The following CCDC73 variants were observed in gnomAD, a reference collection of about 807,000 sequenced individuals.
The protein encoded by CCDC73 is coiled-coil domain-containing protein 73.
In CCDC73, 95 loss-of-function variants were observed where a neutral mutation model predicts 116.5. That is an observed-to-expected ratio of 0.82 (90% CI 0.69 to 0.97). The LOEUF (loss-of-function observed/expected upper bound fraction) is 0.97, where lower values mean the gene tolerates loss of function less well. CCDC73 is among the 50% of genes least tolerant of loss of function. The pLI is 0.00. For missense variants in CCDC73, 1,066 were observed against 1,206.8 expected, an observed-to-expected ratio of 0.88 and a Z score of 1.73; for synonymous variants, 398 against 401.3, an observed-to-expected ratio of 0.99 and a Z score of 0.10.
chr11:32,624,260 A>G (rs1855548515), intron 14 of CCDC73, among the ~76,000 whole-genome samples: 1 of 152,094 alleles, frequency 6.6e-6, no homozygotes, highest in African/African-American at 2.4e-5. Flanking sequence ...GAATTGCTTG[A>G]ACCCAGGAGG....
chr11:32,736,771 T>A (rs928384099), intron 2 of CCDC73, among the ~76,000 whole-genome samples: 4 of 151,838 alleles, frequency 2.6e-5, no homozygotes, highest in Admixed American at 2.6e-4. Context: ...CAGATGTCCA[T>A]CAATGATAGA....
Position 32,615,883 on chromosome 11 carries a change from A to G in CCDC73, c.1375+57T>C, listed in dbSNP as rs1053092431. ...GGCAGAATGTAATTTTCCCAAAAAT[A>G]TTTACTGTAAATATCAACATACAAA... is the stretch of plus-strand genomic sequence containing the variant. On this transcript the variant is annotated intron_variant, in intron 15 of 17. Coordinates refer to ENST00000335185, the MANE Select transcript of CCDC73 (RefSeq NM_001008391.4). 1.1e-5 allele frequency: 16 copies of G among 1,401,018 alleles called. No homozygotes were observed. In the African/African-American group the frequency reaches 2.2e-4, roughly 19 times the overall value. 86.8% of individuals were successfully genotyped at this position (1,401,018 alleles called of 1,614,324 possible). A position where few individuals can be genotyped will look rare whatever the true frequency, so the allele number is the denominator to read the frequency against.
At chr11:32,703,501 T>C (rs1170941453) in intron 3 of CCDC73, among the ~76,000 whole-genome samples, 1 of 152,192 alleles carries the variant, frequency 6.6e-6, no homozygotes, top group Non-Finnish European at 1.5e-5. Context: ...CTTTGGATAT[T>C]ATTTGCTCCA....
At position 32,780,898 on chromosome 11, in the gene CCDC73, T is replaced by C. The variant is rs563375881; in HGVS notation, c.-16+13715A>G. Among the ~76,000 whole-genome samples, 11 of 152,326 alleles carry C rather than the reference T, an allele frequency of 7.2e-5. No homozygotes were observed. In the South Asian group the frequency reaches 2.1e-3, roughly 29 times the overall value. On this transcript the variant is annotated intron_variant, in intron 1 of 17. Coordinates refer to ENST00000335185, the MANE Select transcript of CCDC73 (RefSeq NM_001008391.4). Reference sequence around the variant, plus strand: ...GCAATCTGGTTCCAGGGTTGTACTCTTAACCACTATATTATAGTGCCTCTC... The same window carrying C: ...GCAATCTGGTTCCAGGGTTGTACTCCTAACCACTATATTATAGTGCCTCTC...
intron 15 of CCDC73, chr11:32,615,724 G>C: frequency 2.5e-6 from 1 of 396,984 alleles, no homozygotes; most frequent in Non-Finnish European, 4.5e-6. Context: ...TTACAGAAAG[G>C]TTATCTGAAT....
At position 32,602,725 on chromosome 11, in the gene CCDC73, T is replaced by C; in HGVS notation, c.*86A>G. 2.8e-6 allele frequency: 3 copies of C among 1,085,536 alleles called. No individual in the cohort carries two copies. Among genetic ancestry groups the C allele is most frequent in the Non-Finnish European group, 3.9e-6 (3 of 768,682 alleles). The allele number at this position is 1,085,536 out of a possible 1,614,324, so 67.2% of individuals were successfully genotyped here. ...GAAAAGCAAAGACAAACTGTAGAGC[T>C]TTAAATACAACAGTCATTTTATTCT... On this transcript the variant is annotated 3_prime_UTR_variant, in exon 18 of 18. Coordinates refer to ENST00000335185, the MANE Select transcript of CCDC73 (RefSeq NM_001008391.4).
chr11:32,736,338 A>G (rs1255613399), intron 2 of CCDC73, among the ~76,000 whole-genome samples: 1 of 152,208 alleles, frequency 6.6e-6, no homozygotes, highest in Non-Finnish European at 1.5e-5. Context: ...ACCCCATCAA[A>G]AAGTGGGCAA....
At chr11:32,731,769 C>T (rs569828735) in intron 2 of CCDC73, among the ~76,000 whole-genome samples, 127 of 152,312 alleles carry the variant, frequency 8.3e-4, no homozygotes, top group African/African-American at 2.9e-3. Flanking sequence ...ACATCACCAT[C>T]ATCAAAGACC....
chr11:32,740,555 A>G (rs1047391395), intron 2 of CCDC73, among the ~76,000 whole-genome samples: 2 of 151,754 alleles, frequency 1.3e-5, no homozygotes, highest in African/African-American at 2.4e-5. Flanking sequence ...TTCATCTCTG[A>G]TTTTATTTAT....
At chr11:32,760,966 C>T (rs1850386894) in intron 1 of CCDC73, among the ~76,000 whole-genome samples, 2 of 152,158 alleles carry the variant, frequency 1.3e-5, no homozygotes, top group East Asian at 1.9e-4. Flanking sequence ...TATACATGTA[C>T]TTATTTGTGT....
At chr11:32,611,044 C>G (rs1327672865) in intron 17 of CCDC73, 88 bp downstream of exon 17, 1 of 1,289,906 alleles carries the variant, frequency 7.8e-7, no homozygotes, top group Non-Finnish European at 1.1e-6. Context: ...TCAGTTAGGT[C>G]TTAAAGCATC....
chr11:32,757,449 T>G (rs1850354272), intron 2 of CCDC73, among the ~76,000 whole-genome samples: 1 of 152,186 alleles, frequency 6.6e-6, no homozygotes. Context: ...AGATATACTA[T>G]GAGATCAAGC....
intron 2 of CCDC73, among the ~76,000 whole-genome samples, chr11:32,723,582 C>T (rs998855948): frequency 6.6e-6 from 1 of 152,132 alleles, no homozygotes; most frequent in East Asian, 1.9e-4. Flanking sequence ...TAAATCTGTT[C>T]AGGGTCAAGA....
chr11:32,821,648 A>G, the CCDC73 span, among the ~76,000 whole-genome samples: 11 of 152,216 alleles, frequency 7.2e-5, no homozygotes, highest in African/African-American at 2.7e-4. Context: ...GAAAGAGAAC[A>G]AAAGAATCTC....
At chr11:32,653,273 T>C (rs748799275) in intron 11 of CCDC73, 46 bp from the exon 12 acceptor site, 16 of 1,224,942 alleles carry the variant, frequency 1.3e-5, no homozygotes, top group Middle Eastern at 1.9e-4. Flanking sequence ...TTAAGATAGG[T>C]ATGTTTCTAA....
chr11:32,629,410 T>TAAAGAC (rs1379478508), intron 14 of CCDC73, among the ~76,000 whole-genome samples: 2 of 128,076 alleles, frequency 1.6e-5, no homozygotes, highest in African/African-American at 6.0e-5. Context: ...GTCAGAGATA[T>TAAAGAC]AAAGACACTT....
chr11:32,627,147 C>CA (rs1590552992), intron 14 of CCDC73, among the ~76,000 whole-genome samples: 1 of 152,150 alleles, frequency 6.6e-6, no homozygotes, highest in African/African-American at 2.4e-5. Context: ...ACCCCATCAA[C>CA]AAGTGGGCGA....
intron 13 of CCDC73, among the ~76,000 whole-genome samples, chr11:32,640,363 G>A (rs1425126327): frequency 6.6e-6 from 1 of 152,102 alleles, no homozygotes; most frequent in African/African-American, 2.4e-5. Flanking sequence ...TGTAGTCTCA[G>A]AGAAAATGAA....
chr11:32,728,177 G>T (rs1378857015), intron 2 of CCDC73, among the ~76,000 whole-genome samples: 1 of 152,034 alleles, frequency 6.6e-6, no homozygotes, highest in Admixed American at 6.5e-5. Flanking sequence ...CTTAAGCCCA[G>T]GAGGTCAAGA....
Sources: gnomAD v4.1 joint callset for allele counts (sites outside exome capture counted in the v4.1 genomes callset) on GRCh38, gnomAD v4.1.1 for gene constraint, MANE v1.5 for transcripts, NCBI Gene and HGNC (gene_info 2026-07-23, HGNC 2026-07-21) for gene names.